ERC2: variants seen among roughly 807,000 people sequenced by gnomAD.
ERC2 encodes ELKS/RAB6-interacting/CAST family member 2, also known as ERC protein 2.
ERC2 carries 42 observed loss-of-function variants against 114.8 expected under a neutral mutation model. The ratio of observed to expected loss-of-function variants is 0.37; its 90% CI spans 0.29 to 0.47. The LOEUF (loss-of-function observed/expected upper bound fraction) is 0.47, where lower values mean the gene tolerates loss of function less well. Among genes scored for constraint, ERC2 ranks in the 20% least tolerant of loss-of-function variants. The pLI, the probability that ERC2 is intolerant of heterozygous loss-of-function variation, is 0.99. For synonymous variants in ERC2, 454 were observed against 425.5 expected (o/e 1.07, Z -0.82); for missense variants, 939 against 1,150.7 (o/e 0.82, Z 2.66).
At chr3:55,621,579 C>T (rs991271024) in intron 17 of ERC2, among the ~76,000 whole-genome samples, 4 of 152,214 alleles carry the variant, frequency 2.6e-5, no homozygotes, top group African/African-American at 9.7e-5. Context: ...AACACTCAGG[C>T]TGGCTGGAGA....
At chr3:55,731,723 T>C (rs1439163322) in intron 15 of ERC2, among the ~76,000 whole-genome samples, 3 of 152,196 alleles carry the variant, frequency 2.0e-5, no homozygotes, top group Non-Finnish European at 4.4e-5. Flanking sequence ...TTCTTCTCTA[T>C]AAGAGTATCA....
chr3:55,623,850 C>G (rs2059411525), intron 17 of ERC2, among the ~76,000 whole-genome samples: 1 of 152,224 alleles, frequency 6.6e-6, no homozygotes, highest in Non-Finnish European at 1.5e-5. Context: ...AAGGGGCACC[C>G]TTTCTGCAGA....
chr3:55,605,387 T>G (rs988977686), intron 17 of ERC2, among the ~76,000 whole-genome samples: 1 of 152,242 alleles, frequency 6.6e-6, no homozygotes, highest in Non-Finnish European at 1.5e-5. Context: ...TCAGCCACCA[T>G]GACTGGTGAA....
chr3:56,425,560 C>CTTT (rs67210393), intron 2 of ERC2, among the ~76,000 whole-genome samples: 32 of 123,974 alleles, frequency 2.6e-4, no homozygotes, highest in Non-Finnish European at 3.4e-4. Flanking sequence ...GACCCTTTTT[C>CTTT]TTTTTTTTTT....
intron 1 of ERC2, among the ~76,000 whole-genome samples, chr3:56,446,158 G>A (rs1201093033): frequency 1.3e-5 from 2 of 152,166 alleles, no homozygotes; most frequent in Non-Finnish European, 2.9e-5. Context: ...AACATTCACG[G>A]AGGGAAGTCA....
chr3:56,406,422 G>A (rs924057700), intron 2 of ERC2, among the ~76,000 whole-genome samples: 2 of 152,136 alleles, frequency 1.3e-5, no homozygotes. Flanking sequence ...GTACACAAAG[G>A]GGTCGAGGTA....
intron 13 of ERC2, among the ~76,000 whole-genome samples, chr3:55,889,989 G>A (rs2063530180): frequency 6.6e-6 from 1 of 152,180 alleles, no homozygotes; most frequent in South Asian, 2.1e-4. Context: ...GAATGATCAT[G>A]TAGTTTAAAT....
intron 1 of ERC2, among the ~76,000 whole-genome samples, chr3:56,447,989 C>T (rs923942079): frequency 3.9e-5 from 6 of 152,042 alleles, no homozygotes; most frequent in African/African-American, 1.5e-4. Flanking sequence ...GTGATCCACC[C>T]GCCTCGGCCT....
At chr3:56,270,615 C>CATTTATACACAA (rs961651993) in intron 3 of ERC2, among the ~76,000 whole-genome samples, 12 of 152,272 alleles carry the variant, frequency 7.9e-5, no homozygotes, top group African/African-American at 2.9e-4. Context: ...TTTGTGTATT[C>CATTTATACACAA]ATTTATAATT....
chr3:55,963,359 C>T (rs1870275), intron 12 of ERC2, among the ~76,000 whole-genome samples: 14,194 of 152,176 alleles, frequency 0.093, 915 homozygotes, highest in East Asian at 0.23. Flanking sequence ...CAGATTAAAT[C>T]TGAGACAAAG....
intron 17 of ERC2, among the ~76,000 whole-genome samples, chr3:55,673,626 C>T (rs751787727): frequency 2.0e-4 from 30 of 151,948 alleles, no homozygotes; most frequent in Non-Finnish European, 3.2e-4. Context: ...GAGGTTTCTT[C>T]GATAACATGA....
At chr3:56,173,370 G>T in intron 4 of ERC2, 76 bp downstream of exon 4, 1 of 1,363,304 alleles carries the variant, frequency 7.3e-7, no homozygotes, top group Non-Finnish European at 1.0e-6. Flanking sequence ...TTCATTTCAT[G>T]TTTATATTAG....
chr3:55,530,533 G>C (rs1394238199), intron 17 of ERC2, among the ~76,000 whole-genome samples: 1 of 152,074 alleles, frequency 6.6e-6, no homozygotes, highest in Non-Finnish European at 1.5e-5. Flanking sequence ...AGCTTCCCAA[G>C]ATATCTGCAA....
rs181751642 is a variant in ERC2 at position 55,554,146 on chromosome 3, C to T, written c.*40-42870G>A. On this transcript the variant is annotated intron_variant, in intron 17 of 17. Transcript: ENST00000288221. ...TCTTTGCATATACTGAGGTAGAATG[C>T]GGTGTTCTAGGGTGTAGACGACCTG... Among the ~76,000 whole-genome samples, 41 of 152,204 alleles carry T rather than the reference C, an allele frequency of 2.7e-4. No individual in the cohort carries two copies. The East Asian group carries it at 5.6e-3, about 21-fold the overall frequency.
Position 56,038,841 on chromosome 3 carries a change from C to T in ERC2, c.1642-19810G>A, listed in dbSNP as rs141031804. 1.6e-4 allele frequency among the ~76,000 whole-genome samples: 25 copies of T among 152,236 alleles called. No individual in the cohort carries two copies. In the East Asian group the frequency reaches 4.6e-3, roughly 28 times the overall value. ...AGCAAACTAATGCAGGAACAGAAAACCAAACACTGCATGTTCTCACTTATA... is the reference window on the plus strand; with the variant it reads ...AGCAAACTAATGCAGGAACAGAAAATCAAACACTGCATGTTCTCACTTATA... On this transcript the variant is annotated intron_variant, in intron 7 of 17. Transcript: ENST00000288221.
chr3:55,855,927 T>C (rs1304820364), intron 14 of ERC2, among the ~76,000 whole-genome samples: 1 of 152,192 alleles, frequency 6.6e-6, no homozygotes, highest in East Asian at 1.9e-4. Flanking sequence ...TGGTGAATAA[T>C]AATATATTTG....
intron 15 of ERC2, among the ~76,000 whole-genome samples, chr3:55,700,062 C>T (rs568988196): frequency 2.0e-4 from 31 of 152,302 alleles, no homozygotes; most frequent in Admixed American, 1.6e-3. Flanking sequence ...TGGCTCTCTA[C>T]GGACATTTTA....
At chr3:55,574,145 G>C (rs2056859045) in intron 17 of ERC2, among the ~76,000 whole-genome samples, 1 of 152,150 alleles carries the variant, frequency 6.6e-6, no homozygotes, top group African/African-American at 2.4e-5. Flanking sequence ...GATTAGGTCT[G>C]GTTATTCTCA....
At chr3:56,125,780 G>A (rs1316844452) in intron 6 of ERC2, among the ~76,000 whole-genome samples, 1 of 152,142 alleles carries the variant, frequency 6.6e-6, no homozygotes, top group Admixed American at 6.6e-5. Context: ...CATCTTTATG[G>A]TTGCCATCAT....
Sources: gnomAD v4.1 joint callset for allele counts (sites outside exome capture counted in the v4.1 genomes callset) on GRCh38, gnomAD v4.1.1 for gene constraint, MANE v1.5 for transcripts, NCBI Gene and HGNC (gene_info 2026-07-23, HGNC 2026-07-21) for gene names.